The following BBX variants were observed in gnomAD, a reference collection of about 807,000 sequenced individuals.
BBX encodes BBX high mobility group box domain containing, also known as HMG box transcription factor BBX.
BBX carries 30 observed loss-of-function variants against 100.2 expected under a neutral mutation model. The observed-to-expected ratio is 0.30, with a 90% CI of 0.22 to 0.41. The LOEUF (loss-of-function observed/expected upper bound fraction) is 0.41, where lower values mean the gene tolerates loss of function less well. BBX is among the 10% of genes least tolerant of loss of function. The pLI, the probability that BBX is intolerant of heterozygous loss-of-function variation, is 1.00. For synonymous variants in BBX, 376 were observed against 388.1 expected (o/e 0.97, Z 0.37); for missense variants, 1,023 against 1,129.8 (o/e 0.91, Z 1.35).
At chr3:107,703,221 G>T (rs1044262723) in intron 3 of BBX, among the ~76,000 whole-genome samples, 13 of 152,184 alleles carry the variant, frequency 8.5e-5, no homozygotes, top group African/African-American at 3.1e-4. Context: ...GTGACTTTTT[G>T]ATTAAGAATG....
chr3:107,630,425 C>T (rs2056475557), intron 2 of BBX, among the ~76,000 whole-genome samples: 1 of 152,094 alleles, frequency 6.6e-6, no homozygotes, highest in African/African-American at 2.4e-5. Context: ...GAGGGGGGAA[C>T]TCTGGTATTA....
chr3:107,686,652 T>C (rs2059866141), intron 3 of BBX, among the ~76,000 whole-genome samples: 3 of 152,188 alleles, frequency 2.0e-5, no homozygotes, highest in African/African-American at 7.2e-5. Flanking sequence ...TTTTTCATCA[T>C]GGAGGAGCCT....
Position 107,807,769 on chromosome 3 carries a change from T to A in BBX, c.*2312T>A, listed in dbSNP as rs1056417376. On this transcript the variant is annotated 3_prime_UTR_variant, in exon 18 of 18. Transcript: ENST00000325805. Reference sequence around the variant, plus strand: ...TTTTCTATGTGATTAATATCTTACTTGATCTGCTTTTCCTAAACCTCAGTG... The same window carrying A: ...TTTTCTATGTGATTAATATCTTACTAGATCTGCTTTTCCTAAACCTCAGTG... 2.2e-4 allele frequency: 33 copies of A among 152,200 alleles called. No individual in the cohort carries two copies. Among genetic ancestry groups the A allele is most frequent in the Admixed American group, 2.0e-3 (30 of 15,282 alleles). 9.4% of individuals were successfully genotyped at this position (152,200 alleles called of 1,614,324 possible).
At chr3:107,659,701 T>C in intron 3 of BBX, 1 of 1,277,216 alleles carries the variant, frequency 7.8e-7, no homozygotes, top group African/African-American at 1.5e-5. Context: ...CCACACTGCC[T>C]GTAGATTATC....
At chr3:107,762,441 A>G (rs555760709) in intron 10 of BBX, among the ~76,000 whole-genome samples, 1 of 152,348 alleles carries the variant, frequency 6.6e-6, no homozygotes, top group South Asian at 2.1e-4. Context: ...ATGGAATTGA[A>G]TTTTTTAGCA....
At chr3:107,615,472 C>T (rs893571554) in intron 2 of BBX, among the ~76,000 whole-genome samples, 1 of 152,066 alleles carries the variant, frequency 6.6e-6, no homozygotes, top group African/African-American at 2.4e-5. Flanking sequence ...TGAGTCCTTA[C>T]ATTGTAGAAA....
rs79990982 is a variant in BBX at position 107,728,020 on chromosome 3, G to A, written c.406-745G>A. Among the ~76,000 whole-genome samples the A allele has an allele frequency of 1.3e-3, 197 of 152,202 alleles. 4 individuals carry two copies. In the East Asian group the frequency reaches 0.026, roughly 20 times the overall value. ...AAGAGGTAGCAGAATTGAGAGAAAC[G>A]GTAACAGGAGCAAGCCACAGAAAAA... On this transcript the variant is annotated intron_variant, in intron 5 of 17. Transcript: ENST00000325805.
rs965614230 is a variant in BBX at position 107,613,953 on chromosome 3, T to G, written c.-83-31883T>G. On this transcript the variant is annotated intron_variant, in intron 2 of 17. Coordinates refer to ENST00000325805, the MANE Select transcript of BBX (RefSeq NM_001142568.3). ...TCAACATACCATGGTTTTTTTTTTT[T>G]TTTTTTTTTTTTTTTTTGAGATGGA... is the stretch of plus-strand genomic sequence containing the variant. Among the ~76,000 whole-genome samples, 1,177 of 130,400 alleles carry G rather than the reference T, an allele frequency of 9.0e-3. 23 individuals are homozygous for G. Among genetic ancestry groups the G allele is most frequent in the African/African-American group, 0.032 (1,113 of 34,434 alleles). 85.5% of individuals were successfully genotyped at this position (130,400 alleles called of 152,430 possible). A position where few individuals can be genotyped will look rare whatever the true frequency, so the allele number is the denominator to read the frequency against.
chr3:107,795,142 G>A (rs1158732855), intron 15 of BBX, among the ~76,000 whole-genome samples: 1 of 152,142 alleles, frequency 6.6e-6, no homozygotes, highest in Non-Finnish European at 1.5e-5. Flanking sequence ...CGGGTTGTCG[G>A]GAGGAACTAG....
At chr3:107,648,006 T>C (rs1399570371) in intron 3 of BBX, among the ~76,000 whole-genome samples, 1 of 152,220 alleles carries the variant, frequency 6.6e-6, no homozygotes, top group Non-Finnish European at 1.5e-5. Flanking sequence ...GAAAGCTGCA[T>C]CATCTGAGAG....
chr3:107,793,483 G>C (rs2069269932), intron 15 of BBX, among the ~76,000 whole-genome samples: 1 of 151,932 alleles, frequency 6.6e-6, no homozygotes, highest in Non-Finnish European at 1.5e-5. Context: ...ACCATTTTTG[G>C]TTTTTCATTT....
chr3:107,782,596 C>G (rs1421393676), intron 13 of BBX, among the ~76,000 whole-genome samples: 4 of 152,066 alleles, frequency 2.6e-5, no homozygotes, highest in African/African-American at 9.7e-5. Flanking sequence ...ACTGCAACTT[C>G]TCACCCCCAA....
chr3:107,530,611 T>A (rs2048092831), intron 2 of BBX, among the ~76,000 whole-genome samples: 1 of 152,210 alleles, frequency 6.6e-6, no homozygotes, highest in Non-Finnish European at 1.5e-5. Context: ...CAAGGTTGCA[T>A]TTTTTGTAAT....
intron 2 of BBX, among the ~76,000 whole-genome samples, chr3:107,626,245 A>G (rs1332320143): frequency 6.6e-6 from 1 of 152,228 alleles, no homozygotes. Flanking sequence ...TTTTGGTGAA[A>G]TGACCAAATA....
At chr3:107,772,221 A>G (rs1362226123) in intron 10 of BBX, among the ~76,000 whole-genome samples, 3 of 152,232 alleles carry the variant, frequency 2.0e-5, no homozygotes, top group Admixed American at 1.3e-4. Flanking sequence ...GATAGGTCCT[A>G]GGATCGTTTT....
Position 107,619,391 on chromosome 3 carries a change from A to C in BBX, c.-83-26445A>C, listed in dbSNP as rs1041460688. ...CCCTTTATGTCTCTTTACTTCCTCC[A>C]TTGGTAATATAATCGTCTTAAAAGC... is the stretch of plus-strand genomic sequence containing the variant. On this transcript the variant is annotated intron_variant, in intron 2 of 17. Transcript: ENST00000325805. 5.3e-4 allele frequency among the ~76,000 whole-genome samples: 80 copies of C among 152,058 alleles called. 5 individuals carry two copies. The highest frequency in any genetic ancestry group is 2.9e-5 in the Non-Finnish European group (2 of 67,976).
chr3:107,543,237 A>C (rs929533991), intron 2 of BBX, among the ~76,000 whole-genome samples: 1 of 152,316 alleles, frequency 6.6e-6, no homozygotes, highest in Non-Finnish European at 1.5e-5. Context: ...TGAAGAAAGG[A>C]AGGCCTAGAT....
chr3:107,728,391 C>T (rs2063103433), intron 5 of BBX, among the ~76,000 whole-genome samples: 1 of 152,128 alleles, frequency 6.6e-6, no homozygotes, highest in Admixed American at 6.6e-5. Flanking sequence ...CTCTTGGTTA[C>T]TGTAGCCCTA....
intron 2 of BBX, among the ~76,000 whole-genome samples, chr3:107,550,231 A>G (rs1028563918): frequency 1.3e-5 from 2 of 152,160 alleles, no homozygotes; most frequent in Admixed American, 6.5e-5. Flanking sequence ...GGAATAATCT[A>G]GCACATACCT....
Sources: gnomAD v4.1 joint callset for allele counts (sites outside exome capture counted in the v4.1 genomes callset) on GRCh38, gnomAD v4.1.1 for gene constraint, MANE v1.5 for transcripts, NCBI Gene and HGNC (gene_info 2026-07-23, HGNC 2026-07-21) for gene names.